The following RBM26 variants were observed in gnomAD, a reference collection of about 807,000 sequenced individuals.
RBM26 encodes RNA binding motif protein 26.
Under a neutral mutation model 123.6 loss-of-function variants are expected in RBM26, and 30 were observed. The ratio of observed to expected loss-of-function variants is 0.24; its 90% confidence interval spans 0.18 to 0.33. The LOEUF (loss-of-function observed/expected upper bound fraction) is 0.33. RBM26 is among the 10% of genes least tolerant of loss of function. The pLI is 1.00. For synonymous variants in RBM26, 400 were observed against 404.4 expected, an observed-to-expected ratio of 0.99 and a Z score of 0.13; for missense variants, 947 against 1,203.6, an observed-to-expected ratio of 0.79 and a Z score of 3.15.
chr13:79,354,384 G>T (rs1295663605), intron 13 of RBM26, 55 bp downstream of exon 13: 3 of 1,361,548 alleles, frequency 2.2e-6, no homozygotes, highest in Admixed American at 2.5e-5. Context: ...ATCACCAAGG[G>T]AAACTAAATT....
intron 14 of RBM26, among the ~76,000 whole-genome samples, chr13:79,345,830 T>C (rs2072233937): frequency 6.6e-6 from 1 of 152,132 alleles, no homozygotes; most frequent in Non-Finnish European, 1.5e-5. Flanking sequence ...TGGACAACCT[T>C]TTCTATACAA....
downstream of RBM26, among the ~76,000 whole-genome samples, chr13:79,317,542 AG>A (rs1410792208): frequency 7.9e-5 from 12 of 151,826 alleles, no homozygotes; most frequent in African/African-American, 2.9e-4. Context: ...ATTCTAAACT[AG>A]ATCACCTTTG....
At chr13:79,341,702 G>C (rs1450034172) in intron 17 of RBM26, among the ~76,000 whole-genome samples, 2 of 151,650 alleles carry the variant, frequency 1.3e-5, no homozygotes, top group Non-Finnish European at 1.5e-5. Context: ...AAGGGAAAGG[G>C]GTCTTTTATG....
intron 1 of RBM26, among the ~76,000 whole-genome samples, chr13:79,401,757 A>T (rs144588040): frequency 2.6e-5 from 4 of 152,312 alleles, no homozygotes; most frequent in African/African-American, 9.6e-5. Context: ...AATTCTTCCT[A>T]TTATACCAAT....
chr13:79,318,800 G>C, downstream of RBM26: 1 of 983,890 alleles, frequency 1.0e-6, no homozygotes, highest in Non-Finnish European at 1.2e-6. Flanking sequence ...GCCTTTGAAA[G>C]ATTTACTTTC....
chr13:79,386,396 T>C (rs2077480411), intron 1 of RBM26, among the ~76,000 whole-genome samples: 1 of 148,712 alleles, frequency 6.7e-6, no homozygotes, highest in African/African-American at 2.4e-5. Flanking sequence ...GCTTTAGAAG[T>C]TACATAACTT....
Position 79,320,645 on chromosome 13 carries a change from A to G in RBM26, c.3000T>C (p.Asn1000=). Residue 1000 remains asparagine, a synonymous_variant, in exon 22 of 22, where the codon AAT becomes AAC. Transcript: ENST00000438737. ...ATCATCTTCTCCAAGAACGAGATTC[A>G]TTGTCCTCTTCTTCTTCATCATCAT... ...LQDDDEEEED[N]ESRSWRR The G allele has an allele frequency of 6.3e-7, 1 of 1,599,480 alleles. No homozygotes were observed.
intron 16 of RBM26, among the ~76,000 whole-genome samples, 180 bp downstream of exon 16, chr13:79,344,068 A>G (rs953768850): frequency 3.3e-5 from 5 of 152,054 alleles, no homozygotes; most frequent in African/African-American, 1.2e-4. Flanking sequence ...AGTACCAGTT[A>G]AAGTATAAAG....
chr13:79,404,668 G>T (rs888653265), intron 1 of RBM26, among the ~76,000 whole-genome samples: 8 of 152,132 alleles, frequency 5.3e-5, no homozygotes, highest in African/African-American at 1.9e-4. Flanking sequence ...TGCAAGGAAT[G>T]TTCTTTTCCA....
chr13:79,403,202 G>T (rs2079201307), intron 1 of RBM26, among the ~76,000 whole-genome samples: 1 of 151,652 alleles, frequency 6.6e-6, no homozygotes, highest in African/African-American at 2.4e-5. Context: ...TCATACAAAA[G>T]AATCCACCTG....
chr13:79,329,411 A>T (rs1340522856), intron 20 of RBM26, among the ~76,000 whole-genome samples: 1 of 152,056 alleles, frequency 6.6e-6, no homozygotes, highest in Non-Finnish European at 1.5e-5. Flanking sequence ...TAACATACTT[A>T]ATAGTAATGC....
chr13:79,315,249 A>C (rs2067038116), downstream of RBM26, among the ~76,000 whole-genome samples: 2 of 151,834 alleles, frequency 1.3e-5, no homozygotes. Context: ...TATGGTCTAA[A>C]ATTTTCATTG....
At chr13:79,390,535 T>TAA (rs1163816717) in intron 1 of RBM26, among the ~76,000 whole-genome samples, 2 of 152,158 alleles carry the variant, frequency 1.3e-5, no homozygotes, top group Non-Finnish European at 1.5e-5. Flanking sequence ...TATACACTTG[T>TAA]AAAAACTATA....
At chr13:79,352,730 C>T (rs2073432634) in intron 14 of RBM26, among the ~76,000 whole-genome samples, 1 of 151,916 alleles carries the variant, frequency 6.6e-6, no homozygotes, top group South Asian at 2.1e-4. Flanking sequence ...ACCATTTTAC[C>T]GATGAGTAAA....
chr13:79,339,753 C>T (rs2071057171), intron 18 of RBM26, among the ~76,000 whole-genome samples: 1 of 151,962 alleles, frequency 6.6e-6, no homozygotes, highest in African/African-American at 2.4e-5. Context: ...CTCTAAGAAA[C>T]CCCACAGTAA....
chr13:79,323,140 T>C (rs545256396), intron 20 of RBM26, among the ~76,000 whole-genome samples: 16 of 151,680 alleles, frequency 1.1e-4, no homozygotes, highest in Admixed American at 2.0e-4. Context: ...ACTTAAAAAA[T>C]AGTCATGTCT....
intron 3 of RBM26, 107 bp from the exon 4 acceptor site, chr13:79,372,037 T>C (rs1352893880): frequency 5.4e-6 from 4 of 743,246 alleles, no homozygotes; most frequent in Non-Finnish European, 8.7e-6. Flanking sequence ...TGCCAGCACT[T>C]TGGGAGGCTG....
chr13:79,326,297 T>C (rs952359026), intron 20 of RBM26, among the ~76,000 whole-genome samples: 1 of 152,218 alleles, frequency 6.6e-6, no homozygotes, highest in East Asian at 1.9e-4. Context: ...GAGTTATGCA[T>C]GTACTTTAAA....
intron 1 of RBM26, among the ~76,000 whole-genome samples, chr13:79,384,432 T>G (rs1008305218): frequency 6.6e-6 from 1 of 151,972 alleles, no homozygotes; most frequent in African/African-American, 2.4e-5. Flanking sequence ...TAATTTTTGT[T>G]TGGGTGTACA....
Sources: allele counts gnomAD v4.1 joint callset (sites outside exome capture counted in the v4.1 genomes callset), GRCh38; gene constraint gnomAD v4.1.1; transcripts MANE v1.5; gene names NCBI Gene and HGNC (gene_info 2026-07-23, HGNC 2026-07-21).